Variants in ANKRD18A observed in about 807,000 individuals in gnomAD.
The protein encoded by ANKRD18A is ankyrin repeat domain-containing protein 18A.
In ANKRD18A, 72 loss-of-function variants were observed where a neutral mutation model predicts 110.6. The observed-to-expected ratio is 0.65, with a 90% CI of 0.54 to 0.79. The LOEUF is 0.79. Among genes scored for constraint, ANKRD18A ranks in the 30% least tolerant of loss-of-function variants. The pLI, the probability that ANKRD18A is intolerant of heterozygous loss-of-function variation, is 0.00. For synonymous variants in ANKRD18A, 305 were observed against 410.3 expected (o/e 0.74, Z 3.10); for missense variants, 934 against 1,163.3 (o/e 0.80, Z 2.87).
rs571350991 is a variant in ANKRD18A, at chr9:38,620,254, A to T, written c.32T>A (p.Leu11Gln). ...CATGGAGCTCAGGAGCGCCTGGCCC[A>T]GGCGTCTCCCGAAGCTGAAGAGCTT... MRKLFSFGRR[L>Q]GQALLSSMDQ... is the part of the protein sequence containing the mutation. Residue 11 changes from leucine to glutamine, a missense_variant, in exon 1 of 16, where the codon CTG (leucine) becomes CAG (glutamine). By Grantham distance (113) the Leu-to-Gln change is moderately radical (BLOSUM62 -2). Transcript: ENST00000399703. 1 of 1,551,068 alleles carries T rather than the reference A, an allele frequency of 6.4e-7. No homozygotes were observed. Among genetic ancestry groups the T allele is most frequent in the Non-Finnish European group, 8.7e-7 (1 of 1,146,766 alleles).
chr9:38,578,990 T>C (rs1172120358), intron 12 of ANKRD18A, among the ~76,000 whole-genome samples: 7 of 152,198 alleles, frequency 4.6e-5, no homozygotes, highest in Non-Finnish European at 7.3e-5. Context: ...TAAGAAGTAA[T>C]GATTCTTGGG....
chr9:38,568,335 C>A (rs1259560627), downstream of ANKRD18A: 1 of 152,102 alleles, frequency 6.6e-6, no homozygotes, highest in Non-Finnish European at 1.5e-5. Context: ...ACAGTGGTTG[C>A]ATTGAGGCCT....
intron 6 of ANKRD18A, among the ~76,000 whole-genome samples, chr9:38,605,522 T>C (rs1476774374): frequency 1.3e-5 from 2 of 152,332 alleles, no homozygotes; most frequent in South Asian, 2.1e-4. Context: ...ATTTTTGTTA[T>C]TGTGAACCAT....
At chr9:38,578,494 A>G (rs925345793) in intron 12 of ANKRD18A, among the ~76,000 whole-genome samples, 5 of 152,144 alleles carry the variant, frequency 3.3e-5, no homozygotes, top group African/African-American at 1.2e-4. Flanking sequence ...CATTCCCCAA[A>G]ATTTGTCAAA....
intron 6 of ANKRD18A, among the ~76,000 whole-genome samples, chr9:38,606,791 T>C (rs1239408832): frequency 2.0e-5 from 3 of 152,154 alleles, no homozygotes; most frequent in Non-Finnish European, 4.4e-5. Context: ...ACAAGTCCAA[T>C]GCGTAACAAT....
chr9:38,603,255 A>G (rs1268733641), intron 6 of ANKRD18A, 43 bp from the exon 7 acceptor site: 2 of 1,550,274 alleles, frequency 1.3e-6, no homozygotes. Context: ...TCTGGAAAAC[A>G]TCATCCCTCT....
chr9:38,594,541 TA>T (rs1461531249), intron 9 of ANKRD18A, among the ~76,000 whole-genome samples: 3 of 152,196 alleles, frequency 2.0e-5, no homozygotes, highest in Non-Finnish European at 2.9e-5. Flanking sequence ...TTACATCAAA[TA>T]TTTTTTTGCT....
chr9:38,585,160 T>G lies in ANKRD18A; in HGVS notation c.2247+1023A>C, dbSNP rs1036803821. 4.6e-5 allele frequency among the ~76,000 whole-genome samples: 7 copies of G among 152,132 alleles called. 1 individual carries two copies. ...TAGGGAAGATTAACTAAGATCCTGA[T>G]GCATTTCAAGTCTGAAAAGATATAT... On this transcript the variant is annotated intron_variant, in intron 12 of 15. Coordinates refer to ENST00000399703, the MANE Select transcript of ANKRD18A (RefSeq NM_147195.4).
At chr9:38,619,869 A>G (rs1381429025) in intron 1 of ANKRD18A, among the ~76,000 whole-genome samples, 1 of 152,190 alleles carries the variant, frequency 6.6e-6, no homozygotes, top group Non-Finnish European at 1.5e-5. Flanking sequence ...AAACGTGGAT[A>G]TGCCTAACTT....
At chr9:38,591,545 T>C (rs1249216588) in intron 10 of ANKRD18A, among the ~76,000 whole-genome samples, 1 of 152,100 alleles carries the variant, frequency 6.6e-6, no homozygotes, top group Non-Finnish European at 1.5e-5. Context: ...GAAGAGTACA[T>C]GTACATAGTG....
At chr9:38,571,139 T>C, downstream of ANKRD18A, 1 of 1,534,144 alleles carries the variant, frequency 6.5e-7, no homozygotes, top group East Asian at 2.4e-5. Context: ...GATGCGACAG[T>C]GGTTCTTCTG....
intron 9 of ANKRD18A, among the ~76,000 whole-genome samples, chr9:38,594,258 G>C (rs10973929): frequency 0.17 from 26,075 of 152,038 alleles, 3,012 homozygotes; most frequent in East Asian, 0.44. Context: ...CAAGGCCCTA[G>C]GTAACATGGC....
In ANKRD18A at chr9:38,601,209, C is replaced by A; in HGVS notation, c.863-5G>T. On this transcript the variant is annotated splice_region_variant and splice_polypyrimidine_tract_variant and intron_variant, in intron 7 of 15. Coordinates refer to ENST00000399703, the MANE Select transcript of ANKRD18A (RefSeq NM_147195.4). ...CCACTTTTAGGTTGTGTTCTGCTGA[C>A]AAATCCATATGTTTAGTTAAAATGA... is the stretch of plus-strand genomic sequence containing the variant. The A allele has an allele frequency of 1.9e-6, 3 of 1,552,908 alleles. No homozygotes were observed. The highest frequency in any genetic ancestry group is 2.6e-6 in the Non-Finnish European group (3 of 1,147,144).
intron 1 of ANKRD18A, 50 bp from the exon 2 acceptor site, chr9:38,616,094 C>T: frequency 1.4e-6 from 2 of 1,395,766 alleles, no homozygotes; most frequent in Non-Finnish European, 1.9e-6. Flanking sequence ...TATCTCAAAA[C>T]CTACAATGGT....
At chr9:38,574,599 G>A (rs181557979) in intron 15 of ANKRD18A, among the ~76,000 whole-genome samples, 1,799 of 152,040 alleles carry the variant, frequency 0.012, 23 homozygotes, top group Middle Eastern at 0.027. Context: ...TTACAGGTGT[G>A]AGCCACCACA....
chr9:38,588,027 G>A (rs1405459244), intron 11 of ANKRD18A, among the ~76,000 whole-genome samples: 5 of 152,202 alleles, frequency 3.3e-5, no homozygotes, highest in Admixed American at 2.6e-4. Flanking sequence ...GGCAGAGGTT[G>A]CAGTGAGCCG....
chr9:38,585,486 T>A (rs919688782), intron 12 of ANKRD18A, among the ~76,000 whole-genome samples: 10 of 152,274 alleles, frequency 6.6e-5, no homozygotes, highest in African/African-American at 2.4e-4. Context: ...CAAACTGTAA[T>A]GTGACTGTCT....
Position 38,575,609 on chromosome 9 carries a change from G to A in ANKRD18A, c.2831C>T (p.Pro944Leu). The A allele has an allele frequency of 1.3e-6, 2 of 1,551,616 alleles. No individual in the cohort carries two copies. The highest frequency in any genetic ancestry group is 1.7e-6 in the Non-Finnish European group (2 of 1,146,836). ...KYFLSTLPTR[P>L]EPELPCVENL... ...TTCAACACAAGGTAACTCTGGTTCTGGCCTTGTAGGAAGAGTGCTGAGAAA... is the reference window on the plus strand; with the variant it reads ...TTCAACACAAGGTAACTCTGGTTCTAGCCTTGTAGGAAGAGTGCTGAGAAA... The change falls in exon 15 of 16, where the codon CCA (proline) becomes CTA (leucine). Residue 944 changes from proline to leucine, a missense_variant. Physicochemically the swap from Pro to Leu is moderately conservative, Grantham distance 98. This residue lies in a region of ANKRD18A where 223 missense variants were observed against 226.7 expected (regional missense o/e 0.98). Transcript: ENST00000399703.
chr9:38,567,884 T>C (rs1365105424), downstream of ANKRD18A: 1 of 152,320 alleles, frequency 6.6e-6, no homozygotes, highest in Non-Finnish European at 1.5e-5. Flanking sequence ...GAAGTTGAGC[T>C]GAGTGCCCTG....
Sources: gnomAD v4.1 joint callset for allele counts (sites outside exome capture counted in the v4.1 genomes callset) on GRCh38, gnomAD v4.1.1 for gene constraint, gnomAD v4.1.1 regional missense constraint, MANE v1.5 for transcripts, NCBI Gene and HGNC (gene_info 2026-07-23, HGNC 2026-07-21) for gene names.